Variants in SLC36A1 observed in about 807,000 individuals in gnomAD.
SLC36A1 encodes solute carrier family 36 member 1.
In SLC36A1, 30 loss-of-function variants were observed where a neutral mutation model predicts 47.5. The ratio of observed to expected loss-of-function variants is 0.63; its 90% confidence interval spans 0.47 to 0.86. The LOEUF is 0.86. SLC36A1 is among the 40% of genes least tolerant of loss of function. The pLI, the probability that SLC36A1 is intolerant of heterozygous loss-of-function variation, is 0.00. For missense variants in SLC36A1, 517 were observed against 606.0 expected (o/e 0.85, Z 1.54); for synonymous variants, 255 against 249.7 (o/e 1.02, Z -0.20).
the SLC36A1 span, among the ~76,000 whole-genome samples, chr5:151,368,308 C>A: frequency 6.6e-6 from 1 of 152,258 alleles, no homozygotes; most frequent in East Asian, 1.9e-4. Flanking sequence ...TTATAAGCCT[C>A]TGCTTAAGCT....
At chr5:151,385,009 A>AGAGT in the SLC36A1 span, among the ~76,000 whole-genome samples, 43 of 128,518 alleles carry the variant, frequency 3.3e-4, no homozygotes, top group South Asian at 5.2e-3. Context: ...AGAGAGAGAG[A>AGAGT]GTGTGTGTGT....
the SLC36A1 span, among the ~76,000 whole-genome samples, chr5:151,515,349 T>C: frequency 6.6e-6 from 1 of 152,232 alleles, no homozygotes; most frequent in African/African-American, 2.4e-5. Flanking sequence ...CTACTCTCTC[T>C]TCAATCTACA....
chr5:151,505,472 C>G, the SLC36A1 span: 4 of 1,491,484 alleles, frequency 2.7e-6, no homozygotes, highest in Non-Finnish European at 3.7e-6. Context: ...TCCCACTCTC[C>G]CAGCCACACT....
At position 151,473,743 on chromosome 5, in the gene SLC36A1, C is replaced by T. The variant is rs777711037; in HGVS notation, c.794C>T (p.Ala265Val). The T allele has an allele frequency of 5.0e-6, 8 of 1,613,814 alleles. No individual in the cohort carries two copies. The highest frequency in any genetic ancestry group is 2.2e-5 in the East Asian group (1 of 44,894). ...ACCTACCCTCTCTTCTTTGGCACAG[C>T]GATTTTTTCATTTGAAGGCATTGGA... is the stretch of plus-strand genomic sequence containing the variant. ...WKTYPLFFGT[A>V]IFSFEGIGMV... The change falls in exon 8 of 11, where the codon GCG (alanine) becomes GTG (valine). Residue 265 changes from alanine to valine, a missense_variant. By Grantham distance (64) the Ala-to-Val change is moderately conservative. Transcript: ENST00000243389.
upstream of SLC36A1, among the ~76,000 whole-genome samples, chr5:151,446,970 T>A (rs969254874): frequency 2.6e-5 from 4 of 152,234 alleles, no homozygotes; most frequent in African/African-American, 7.2e-5. Context: ...TATTTACAGT[T>A]GTGTCTTCTT....
chr5:151,460,989 C>T (rs1009912713), intron 2 of SLC36A1, among the ~76,000 whole-genome samples: 7 of 151,150 alleles, frequency 4.6e-5, no homozygotes, highest in African/African-American at 1.7e-4. Context: ...TCATGGGTTA[C>T]TTCCTTTTAT....
At chr5:151,538,369 T>G in the SLC36A1 span, among the ~76,000 whole-genome samples, 1 of 152,236 alleles carries the variant, frequency 6.6e-6, no homozygotes, top group African/African-American at 2.4e-5. Context: ...CAGGTCAACC[T>G]CCCCTGCCTC....
chr5:151,389,639 T>C, the SLC36A1 span, among the ~76,000 whole-genome samples: 2,885 of 145,082 alleles, frequency 0.02, 98 homozygotes, highest in African/African-American at 0.07. Context: ...ATTCCCACCA[T>C]TGAGTGAGAA....
chr5:151,495,894 C>T (rs1760324393), downstream of SLC36A1, among the ~76,000 whole-genome samples: 1 of 152,056 alleles, frequency 6.6e-6, no homozygotes, highest in Admixed American at 6.5e-5. Context: ...TTCCATGGTA[C>T]TGATGTTTAA....
chr5:151,450,216 G>A (rs1016481383), intron 1 of SLC36A1, among the ~76,000 whole-genome samples: 3 of 151,982 alleles, frequency 2.0e-5, no homozygotes, highest in Non-Finnish European at 4.4e-5. Context: ...CGGAGCAGAT[G>A]TCCACTTACT....
the SLC36A1 span, among the ~76,000 whole-genome samples, chr5:151,356,466 TAGG>T: frequency 6.6e-6 from 1 of 151,866 alleles, no homozygotes; most frequent in East Asian, 1.9e-4. Context: ...CAGCAAACTC[TAGG>T]AGGAGAGGGG....
chr5:151,503,196 A>G, the SLC36A1 span, among the ~76,000 whole-genome samples: 3 of 147,924 alleles, frequency 2.0e-5, no homozygotes, highest in Non-Finnish European at 2.9e-5. Flanking sequence ...GTGCAACACC[A>G]AGAGTGAACC....
At chr5:151,380,813 C>T in the SLC36A1 span, 4 of 500,010 alleles carry the variant, frequency 8.0e-6, no homozygotes, top group East Asian at 5.1e-5. Flanking sequence ...AATGGTTCCA[C>T]CAGAACTGGC....
the SLC36A1 span, among the ~76,000 whole-genome samples, chr5:151,513,879 A>G: frequency 6.6e-6 from 1 of 152,240 alleles, no homozygotes; most frequent in African/African-American, 2.4e-5. Flanking sequence ...GTTGATAGTT[A>G]TAACCCACAT....
chr5:151,441,935 G>A (rs1752657236), intron 1 of SLC36A1, among the ~76,000 whole-genome samples: 1 of 151,972 alleles, frequency 6.6e-6, no homozygotes, highest in African/African-American at 2.4e-5. Context: ...CCTCTCTCCT[G>A]TCTCTCCTCC....
chr5:151,534,337 A>G, the SLC36A1 span: 1 of 1,264,340 alleles, frequency 7.9e-7, no homozygotes, highest in Non-Finnish European at 1.1e-6. Context: ...GAGAGACACA[A>G]AGGGGACCAA....
the SLC36A1 span, among the ~76,000 whole-genome samples, chr5:151,377,494 G>A: frequency 2.6e-5 from 4 of 151,284 alleles, no homozygotes; most frequent in South Asian, 2.1e-4. Context: ...GACTACAGGC[G>A]CGCGCCACCA....
Position 151,483,277 on chromosome 5 carries a change from A to G in SLC36A1, c.1159+3788A>G, listed in dbSNP as rs181745892. 4.4e-3 allele frequency among the ~76,000 whole-genome samples: 673 copies of G among 152,202 alleles called. 4 individuals are homozygous for G. Among genetic ancestry groups the G allele is most frequent in the Non-Finnish European group, 5.0e-3 (343 of 68,004 alleles). ...GAATCCAGTTCCTTCTGTGAACATG[A>G]CTGTTGGCCTTATGTTGCTTCAGCA... On this transcript the variant is annotated intron_variant, in intron 10 of 10. Transcript: ENST00000243389.
chr5:151,455,300 C>T (rs1468853003), intron 1 of SLC36A1, among the ~76,000 whole-genome samples: 1 of 152,080 alleles, frequency 6.6e-6, no homozygotes, highest in Non-Finnish European at 1.5e-5. Flanking sequence ...TATATTATTG[C>T]CTTCTGTTGA....
Sources: gnomAD v4.1 joint callset for allele counts (sites outside exome capture counted in the v4.1 genomes callset) on GRCh38, gnomAD v4.1.1 for gene constraint, MANE v1.5 for transcripts, NCBI Gene and HGNC (gene_info 2026-07-23, HGNC 2026-07-21) for gene names.